The following PAX5 variants were observed in gnomAD, a reference collection of about 807,000 sequenced individuals.
PAX5 encodes paired box 5, also known as paired box protein Pax-5.
PAX5 carries 9 observed loss-of-function variants against 43.7 expected under a neutral mutation model. That is an observed-to-expected ratio of 0.21 (90% CI 0.12 to 0.36). The LOEUF (loss-of-function observed/expected upper bound fraction) is 0.36, where lower values mean the gene tolerates loss of function less well. Ranked by LOEUF, PAX5 falls within the 10% of genes least tolerant of loss-of-function variation. The pLI, the probability that PAX5 is intolerant of heterozygous loss-of-function variation, is 1.00. For missense variants in PAX5, 383 were observed against 532.7 expected (o/e 0.72, Z 2.77); for synonymous variants, 228 against 214.3 (o/e 1.06, Z -0.56).
chr9:36,854,696 G>A (rs1823488920), intron 8 of PAX5, among the ~76,000 whole-genome samples: 2 of 152,154 alleles, frequency 1.3e-5, no homozygotes, highest in Non-Finnish European at 2.9e-5. Flanking sequence ...CCAACAGGGA[G>A]ATGAAAACCT....
At chr9:36,894,334 T>G (rs1004120578) in intron 7 of PAX5, among the ~76,000 whole-genome samples, 4 of 152,188 alleles carry the variant, frequency 2.6e-5, no homozygotes, top group African/African-American at 9.7e-5. Context: ...TGGGAAAGTC[T>G]CCCTTCCTGG....
At chr9:36,958,280 C>T (rs1001474406) in intron 6 of PAX5, among the ~76,000 whole-genome samples, 1 of 124,252 alleles carries the variant, frequency 8.0e-6, no homozygotes, top group Non-Finnish European at 1.7e-5. Context: ...TGAAAATTTC[C>T]TTCCACTCTA....
chr9:37,026,807 A>C (rs902312201), intron 1 of PAX5: 5 of 799,066 alleles, frequency 6.3e-6, no homozygotes, highest in Non-Finnish European at 7.6e-6. Flanking sequence ...CGGGTGCCCA[A>C]CTCCGGCTGG....
In PAX5 at chr9:37,034,123, T is replaced by G. The variant is rs944454667; in HGVS notation, c.-92A>C. Reference sequence around the variant, plus strand: ...CTTTTTTTTTTTTTTTTTTTTTTTTTTTTGGTGCCAGGGGCCGCTCACAGG... The same window carrying G: ...CTTTTTTTTTTTTTTTTTTTTTTTTGTTTGGTGCCAGGGGCCGCTCACAGG... On this transcript the variant is annotated 5_prime_UTR_variant, in exon 1 of 10. Coordinates refer to ENST00000358127, the MANE Select transcript of PAX5 (RefSeq NM_016734.3). 2 of 793,286 alleles carry G rather than the reference T, an allele frequency of 2.5e-6. No individual in the cohort carries two copies. The highest frequency in any genetic ancestry group is 5.4e-5 in the East Asian group (2 of 36,764). 49.1% of individuals were successfully genotyped at this position (793,286 alleles called of 1,614,324 possible).
At chr9:37,005,134 A>G (rs1838282844) in intron 4 of PAX5, among the ~76,000 whole-genome samples, 1 of 152,326 alleles carries the variant, frequency 6.6e-6, no homozygotes, top group Non-Finnish European at 1.5e-5. Flanking sequence ...CTCAGCCACA[A>G]ACATTCCCCC....
intron 5 of PAX5, among the ~76,000 whole-genome samples, chr9:36,984,543 C>T (rs147624940): frequency 2.1e-5 from 3 of 143,878 alleles, no homozygotes; most frequent in African/African-American, 5.1e-5. Flanking sequence ...CAGGTTCAAG[C>T]GATTCTCCTG....
intron 1 of PAX5, among the ~76,000 whole-genome samples, chr9:37,032,699 G>C (rs1048665773): frequency 1.1e-4 from 17 of 152,372 alleles, no homozygotes; most frequent in African/African-American, 3.1e-4. Flanking sequence ...CTTCTTGCCA[G>C]GGCCAAGAGA....
chr9:37,018,460 C>T (rs1839577215), intron 2 of PAX5, among the ~76,000 whole-genome samples: 1 of 147,236 alleles, frequency 6.8e-6, no homozygotes, highest in Non-Finnish European at 1.5e-5. Context: ...CCCTGTGTGC[C>T]CCAGGGACTT....
In PAX5 at chr9:36,863,613, T is replaced by C. The variant is rs886838620; in HGVS notation, c.1013-16684A>G. ...CCAGCTCTCAGGCCCCTGTGTTTTC[T>C]CTTGTTAAAAGGGCTCTAGAACCAG... On this transcript the variant is annotated intron_variant, in intron 8 of 9. Transcript: ENST00000358127. Among the ~76,000 whole-genome samples, 5 of 152,320 alleles carry C rather than the reference T, an allele frequency of 3.3e-5. No individual in the cohort carries two copies. The South Asian group carries it at 1.0e-3, about 32-fold the overall frequency.
intron 6 of PAX5, among the ~76,000 whole-genome samples, chr9:36,940,668 A>G (rs371164674): frequency 1.3e-5 from 2 of 152,098 alleles, no homozygotes; most frequent in African/African-American, 4.8e-5. Context: ...AACAGCAAGC[A>G]GGAGAAGGCA....
At chr9:36,912,152 G>A (rs551198072) in intron 7 of PAX5, among the ~76,000 whole-genome samples, 46 of 152,354 alleles carry the variant, frequency 3.0e-4, no homozygotes, top group Admixed American at 1.7e-3. Context: ...GCATCCCCAC[G>A]TAGAGAGCTG....
At chr9:36,911,960 T>A (rs543593204) in intron 7 of PAX5, among the ~76,000 whole-genome samples, 26 of 152,300 alleles carry the variant, frequency 1.7e-4, no homozygotes, top group African/African-American at 5.5e-4. Flanking sequence ...GTGTTTACTG[T>A]TTCCCCAAAA....
At chr9:36,918,948 T>C (rs1331627833) in intron 7 of PAX5, among the ~76,000 whole-genome samples, 1 of 152,204 alleles carries the variant, frequency 6.6e-6, no homozygotes, top group African/African-American at 2.4e-5. Flanking sequence ...ATTTTCAATA[T>C]AGACCACTCT....
intron 1 of PAX5, among the ~76,000 whole-genome samples, chr9:37,033,125 T>C (rs1006985996): frequency 2.6e-5 from 4 of 152,256 alleles, no homozygotes; most frequent in Non-Finnish European, 5.9e-5. Context: ...CGCTGTCATC[T>C]GCAAGGTTGT....
Position 36,958,553 on chromosome 9 carries a change from A to G in PAX5, c.780+7996T>C, listed in dbSNP as rs375987429. ...GGGGCCACACTTTTTGGGCAATACT[A>G]CGGACTGGAGAGAAGCTAGACCCAG... On this transcript the variant is annotated intron_variant, in intron 6 of 9. Coordinates refer to ENST00000358127, the MANE Select transcript of PAX5 (RefSeq NM_016734.3). Among the ~76,000 whole-genome samples, 13 of 152,162 alleles carry G rather than the reference A, an allele frequency of 8.5e-5. No individual in the cohort carries two copies. In the South Asian group the frequency reaches 2.7e-3, roughly 32 times the overall value.
chr9:36,899,229 G>C (rs1170429205), intron 7 of PAX5, among the ~76,000 whole-genome samples: 1 of 152,138 alleles, frequency 6.6e-6, no homozygotes, highest in Admixed American at 6.5e-5. Context: ...CAGATGCCCT[G>C]GTCCTGTCCC....
chr9:36,977,080 G>A (rs1835498439), intron 5 of PAX5, among the ~76,000 whole-genome samples: 1 of 152,176 alleles, frequency 6.6e-6, no homozygotes, highest in South Asian at 2.1e-4. Flanking sequence ...AATGTAGTGC[G>A]ATAAGTGCTA....
At chr9:36,890,421 G>T (rs969131661) in intron 7 of PAX5, among the ~76,000 whole-genome samples, 12 of 152,212 alleles carry the variant, frequency 7.9e-5, no homozygotes, top group African/African-American at 2.4e-5. Context: ...GGGAAAGGCA[G>T]AGCTCTTTGC....
intron 7 of PAX5, among the ~76,000 whole-genome samples, chr9:36,912,744 G>A (rs1829405465): frequency 6.6e-6 from 1 of 152,160 alleles, no homozygotes; most frequent in Admixed American, 6.5e-5. Context: ...GCTGGGACTC[G>A]CCAAAGCTGG....
Sources: allele counts gnomAD v4.1 joint callset (sites outside exome capture counted in the v4.1 genomes callset), GRCh38; gene constraint gnomAD v4.1.1; transcripts MANE v1.5; gene names NCBI Gene and HGNC (gene_info 2026-07-23, HGNC 2026-07-21).